The following SNTG1 variants were observed in gnomAD, a reference collection of about 807,000 sequenced individuals.
SNTG1 encodes gamma-1-syntrophin.
SNTG1 carries 39 observed loss-of-function variants against 74.7 expected under a neutral mutation model. That is an observed-to-expected ratio of 0.52 (90% CI 0.40 to 0.68). The LOEUF is 0.68. Among genes scored for constraint, SNTG1 ranks in the 30% least tolerant of loss-of-function variants. SNTG1 has a pLI of 0.00. For missense variants in SNTG1, 685 were observed against 609.5 expected (o/e 1.12, Z -1.30); for synonymous variants, 254 against 217.1 (o/e 1.17, Z -1.49).
At chr8:50,477,303 A>T (rs1187873117) in intron 8 of SNTG1, among the ~76,000 whole-genome samples, 1 of 152,150 alleles carries the variant, frequency 6.6e-6, no homozygotes, top group Non-Finnish European at 1.5e-5. Context: ...TAATATCCAC[A>T]ATGAGAGTCC....
At chr8:50,415,338 A>G (rs2093000968) in intron 4 of SNTG1, among the ~76,000 whole-genome samples, 1 of 152,192 alleles carries the variant, frequency 6.6e-6, no homozygotes, top group African/African-American at 2.4e-5. Context: ...AATATAAACT[A>G]ATAGGCTGAA....
intron 1 of SNTG1, among the ~76,000 whole-genome samples, chr8:49,941,142 CAAG>C (rs1808647705): frequency 6.6e-6 from 1 of 152,034 alleles, no homozygotes; most frequent in South Asian, 2.1e-4. Context: ...TCTGACAACG[CAAG>C]AGTGGGTGGT....
intron 15 of SNTG1, among the ~76,000 whole-genome samples, chr8:50,681,647 G>A (rs1246717374): frequency 1.3e-5 from 2 of 152,160 alleles, no homozygotes; most frequent in African/African-American, 4.8e-5. Flanking sequence ...AAAACAACGA[G>A]AGAGGAGGAC....
At chr8:50,620,650 C>G (rs1312366531) in intron 13 of SNTG1, among the ~76,000 whole-genome samples, 1 of 152,068 alleles carries the variant, frequency 6.6e-6, no homozygotes, top group East Asian at 1.9e-4. Context: ...CATAATAGTT[C>G]CAGTTAAGAG....
chr8:50,677,539 C>T (rs1005126815), intron 15 of SNTG1, among the ~76,000 whole-genome samples: 3 of 151,926 alleles, frequency 2.0e-5, no homozygotes. Flanking sequence ...TCCTTCAGGT[C>T]TATTTCAGGT....
intron 1 of SNTG1, among the ~76,000 whole-genome samples, chr8:50,104,495 A>T (rs1349385817): frequency 6.6e-6 from 1 of 151,536 alleles, no homozygotes. Context: ...AATTTTGTTG[A>T]TCCTTTCAAA....
At position 50,441,168 on chromosome 8, in the gene SNTG1, G is replaced by A. The variant is rs187379395; in HGVS notation, c.219+2569G>A. On this transcript the variant is annotated intron_variant, in intron 5 of 18. Coordinates refer to ENST00000642720, the MANE Select transcript of SNTG1 (RefSeq NM_018967.5). Reference sequence around the variant, plus strand: ...GTTTTGTTGATTAATATGTCTCAGCGGCTGTGGGCTGTGGGCAACATGAAG... The same window carrying A: ...GTTTTGTTGATTAATATGTCTCAGCAGCTGTGGGCTGTGGGCAACATGAAG... Among the ~76,000 whole-genome samples, 482 of 152,200 alleles carry A rather than the reference G, an allele frequency of 3.2e-3. 3 individuals carry two copies. Among genetic ancestry groups the A allele is most frequent in the Non-Finnish European group, 4.7e-3 (317 of 68,010 alleles).
At chr8:50,148,442 T>C (rs1156825333) in intron 1 of SNTG1, among the ~76,000 whole-genome samples, 2 of 152,198 alleles carry the variant, frequency 1.3e-5, no homozygotes, top group East Asian at 3.9e-4. Flanking sequence ...ACTTCTAGGG[T>C]ACATGTGCAC....
In SNTG1 at chr8:50,792,652, G is replaced by C; in HGVS notation, c.1396-19G>C. 1 of 1,594,216 alleles carries C rather than the reference G, an allele frequency of 6.3e-7. No individual in the cohort carries two copies. The highest frequency in any genetic ancestry group is 1.1e-5 in the South Asian group (1 of 87,186). ...CATTAATTTTTATGTTATCTGACCT[G>C]TTTCTCTTTCCCTTTCAGGAGTTGG... On this transcript the variant is annotated intron_variant, in intron 18 of 18. Coordinates refer to ENST00000642720, the MANE Select transcript of SNTG1 (RefSeq NM_018967.5).
chr8:50,079,482 G>C (rs1822202501), intron 1 of SNTG1, among the ~76,000 whole-genome samples: 1 of 151,774 alleles, frequency 6.6e-6, no homozygotes, highest in Non-Finnish European at 1.5e-5. Context: ...CAGATGGGTA[G>C]ATTGCAAACA....
chr8:50,618,143 C>T (rs986489973), intron 13 of SNTG1, among the ~76,000 whole-genome samples: 1 of 152,142 alleles, frequency 6.6e-6, no homozygotes, highest in Non-Finnish European at 1.5e-5. Flanking sequence ...TTTGTGATTT[C>T]CACAAAGCTG....
intron 17 of SNTG1, 39 bp downstream of exon 17, chr8:50,709,017 A>G (rs1160555739): frequency 2.1e-6 from 3 of 1,404,760 alleles, no homozygotes; most frequent in Non-Finnish European, 2.0e-6. Flanking sequence ...TATGCTGCAA[A>G]CATTCTAATT....
At chr8:50,133,856 G>A (rs767679144) in intron 1 of SNTG1, among the ~76,000 whole-genome samples, 2 of 152,030 alleles carry the variant, frequency 1.3e-5, no homozygotes, top group African/African-American at 2.4e-5. Context: ...TGGTACTATG[G>A]GTTAAAACTT....
chr8:50,638,124 A>G (rs1160291799), intron 13 of SNTG1, among the ~76,000 whole-genome samples: 1 of 152,112 alleles, frequency 6.6e-6, no homozygotes, highest in Non-Finnish European at 1.5e-5. Flanking sequence ...TGGAAGAAGA[A>G]GAGACCATGC....
intron 2 of SNTG1, among the ~76,000 whole-genome samples, chr8:50,336,322 C>T (rs910964154): frequency 1.3e-5 from 2 of 152,180 alleles, no homozygotes; most frequent in African/African-American, 4.8e-5. Flanking sequence ...TAGATTTTCT[C>T]TCAACATCTA....
chr8:49,942,638 G>A (rs117607088), intron 1 of SNTG1, among the ~76,000 whole-genome samples: 68 of 151,930 alleles, frequency 4.5e-4, no homozygotes, highest in South Asian at 8.4e-4. Flanking sequence ...TTTTATTTTC[G>A]GTGACCTTGA....
At chr8:50,693,813 T>A (rs1170491199) in intron 15 of SNTG1, among the ~76,000 whole-genome samples, 2 of 152,176 alleles carry the variant, frequency 1.3e-5, no homozygotes, top group African/African-American at 4.8e-5. Context: ...AAGGATTTTA[T>A]AAATTCACAA....
chr8:50,053,957 C>A (rs1368409732), intron 1 of SNTG1, among the ~76,000 whole-genome samples: 1 of 152,054 alleles, frequency 6.6e-6, no homozygotes, highest in African/African-American at 2.4e-5. Context: ...CTTCTCATTA[C>A]TAGCAGGGAC....
In SNTG1 at chr8:50,371,368, G is replaced by A. The variant is rs530699211; in HGVS notation, c.-27-22844G>A. Among the ~76,000 whole-genome samples, 5 of 152,254 alleles carry A rather than the reference G, an allele frequency of 3.3e-5. No homozygotes were observed. In the East Asian group the frequency reaches 9.7e-4, roughly 29 times the overall value. ...AGGCAAAAATAAGTCACATGAACTA[G>A]TGGCCCAAATTCCCATGGACCCCAT... On this transcript the variant is annotated intron_variant, in intron 2 of 18. Coordinates refer to ENST00000642720, the MANE Select transcript of SNTG1 (RefSeq NM_018967.5).
Sources: gnomAD v4.1 joint callset for allele counts (sites outside exome capture counted in the v4.1 genomes callset) on GRCh38, gnomAD v4.1.1 for gene constraint, MANE v1.5 for transcripts, NCBI Gene and HGNC (gene_info 2026-07-23, HGNC 2026-07-21) for gene names.